Variants in SEPTIN11 observed in about 807,000 individuals in gnomAD.
The protein encoded by SEPTIN11 is septin-11.
In SEPTIN11, 25 loss-of-function variants were observed where a neutral mutation model predicts 51.4. That is an observed-to-expected ratio of 0.49 (90% CI 0.35 to 0.68). The LOEUF (loss-of-function observed/expected upper bound fraction) is 0.68, where lower values mean the gene tolerates loss of function less well. SEPTIN11 is among the 30% of genes least tolerant of loss of function. The probability of loss-of-function intolerance (pLI) is 0.00; values close to 1 mark genes in which losing one functional copy is unlikely to be tolerated. For missense variants in SEPTIN11, 381 were observed against 520.8 expected (o/e 0.73, Z 2.61); for synonymous variants, 174 against 184.1 (o/e 0.95, Z 0.44).
At chr4:76,993,258 T>C (rs1723481943) in intron 1 of SEPTIN11, among the ~76,000 whole-genome samples, 1 of 152,066 alleles carries the variant, frequency 6.6e-6, no homozygotes, top group Admixed American at 6.6e-5. Context: ...AGGAATATGA[T>C]TTCAGTTTCA....
intron 1 of SEPTIN11, among the ~76,000 whole-genome samples, chr4:76,996,204 C>T (rs1723705433): frequency 6.6e-6 from 1 of 152,108 alleles, no homozygotes; most frequent in Admixed American, 6.5e-5. Flanking sequence ...ATGAGATGCT[C>T]AGGGAGATGG....
chr4:77,001,733 G>C (rs1277855292), intron 2 of SEPTIN11, among the ~76,000 whole-genome samples: 7 of 152,190 alleles, frequency 4.6e-5, no homozygotes, highest in Non-Finnish European at 1.0e-4. Context: ...TGACTTTTCT[G>C]AAAATATTGT....
chr4:77,029,281 G>A (rs1407396652), intron 8 of SEPTIN11, among the ~76,000 whole-genome samples: 1 of 152,048 alleles, frequency 6.6e-6, no homozygotes, highest in Non-Finnish European at 1.5e-5. Context: ...CAGATTAACT[G>A]CTTCCTAGAA....
chr4:76,973,538 T>C (rs1722344002), intron 1 of SEPTIN11, among the ~76,000 whole-genome samples: 1 of 152,258 alleles, frequency 6.6e-6, no homozygotes, highest in South Asian at 2.1e-4. Context: ...CAGCTCAGCA[T>C]GGATTTCCTC....
rs1726902420 is a variant in SEPTIN11, at chr4:77,034,605, A to G, written c.*93A>G. ...GTGTTCTTTAGTTTTATTTTATTTT[A>G]TTTTATTTTTTTACCCTTCCTCAAA... On this transcript the variant is annotated 3_prime_UTR_variant, in exon 10 of 10. Transcript: ENST00000264893. 2.8e-6 allele frequency: 4 copies of G among 1,403,944 alleles called. No homozygotes were observed. Among genetic ancestry groups the G allele is most frequent in the East Asian group, 2.9e-5 (1 of 34,612 alleles). The allele number at this position is 1,403,944 out of a possible 1,614,324, so 87.0% of individuals were successfully genotyped here.
At chr4:76,957,005 A>T (rs547893330) in intron 1 of SEPTIN11, among the ~76,000 whole-genome samples, 73,423 of 130,274 alleles carry the variant, frequency 0.56, 19,312 homozygotes, top group Middle Eastern at 0.62. Flanking sequence ...AGAGAGAGAG[A>T]GACAGAGACA....
intron 2 of SEPTIN11, among the ~76,000 whole-genome samples, chr4:77,000,560 A>G (rs1377565748): frequency 6.6e-6 from 1 of 152,220 alleles, no homozygotes; most frequent in Non-Finnish European, 1.5e-5. Flanking sequence ...ATTAGCAGAT[A>G]TTTAGTGAGC....
chr4:77,005,874 A>G, intron 3 of SEPTIN11, 78 bp downstream of exon 3: 1 of 1,353,638 alleles, frequency 7.4e-7, no homozygotes, highest in Non-Finnish European at 1.0e-6. Context: ...TAAAGGCCAA[A>G]TGTTTTGGGG....
intron 1 of SEPTIN11, 34 bp downstream of exon 1, chr4:76,949,964 G>A: frequency 6.9e-7 from 1 of 1,439,562 alleles, no homozygotes; most frequent in Non-Finnish European, 9.1e-7. Flanking sequence ...TGCTCCTCGG[G>A]CGCCGGGTGG....
chr4:76,987,209 C>G (rs140862869), intron 1 of SEPTIN11, among the ~76,000 whole-genome samples: 5 of 152,168 alleles, frequency 3.3e-5, no homozygotes, highest in Non-Finnish European at 7.3e-5. Context: ...CCAGCTGGGC[C>G]GCACTGAGAA....
chr4:76,996,089 A>G (rs1723696601), intron 1 of SEPTIN11, among the ~76,000 whole-genome samples: 1 of 152,252 alleles, frequency 6.6e-6, no homozygotes, highest in South Asian at 2.1e-4. Context: ...GAAAGTGATC[A>G]AAATGACTGG....
At chr4:76,958,159 G>C (rs12186337) in intron 1 of SEPTIN11, among the ~76,000 whole-genome samples, 80,314 of 152,100 alleles carry the variant, frequency 0.53, 21,827 homozygotes, top group Middle Eastern at 0.6. Flanking sequence ...CTACCTGGCT[G>C]TTGCTGTGTC....
In SEPTIN11 at chr4:76,976,167, T is replaced by G. The variant is rs139665785; in HGVS notation, c.28-20258T>G. Among the ~76,000 whole-genome samples, 641 of 152,296 alleles carry G rather than the reference T, an allele frequency of 4.2e-3. 6 individuals carry two copies. The highest frequency in any genetic ancestry group is 0.015 in the African/African-American group (626 of 41,542). ...CTTATATACTTAAAGAAACCTCTGG[T>G]TTTTAGTACTTGAGGAAACAGTAAA... On this transcript the variant is annotated intron_variant, in intron 1 of 9. Coordinates refer to ENST00000264893, the MANE Select transcript of SEPTIN11 (RefSeq NM_018243.4).
Position 77,037,963 on chromosome 4 carries a change from T to G in SEPTIN11, c.*3451T>G, listed in dbSNP as rs1026220415. On this transcript the variant is annotated 3_prime_UTR_variant, in exon 10 of 10. Transcript: ENST00000264893. ...ATGAACAGACTTGGTTTCCTTGCTT[T>G]CTTGACATTTCCATGACTGTTTCAC... 3.6e-5 allele frequency: 35 copies of G among 985,812 alleles called. No individual in the cohort carries two copies. Among genetic ancestry groups the G allele is most frequent in the Non-Finnish European group, 4.2e-5 (35 of 829,972 alleles). The allele number at this position is 985,812 out of a possible 1,614,324, so 61.1% of individuals were successfully genotyped here.
chr4:76,999,370 C>T (rs1030078356), intron 2 of SEPTIN11, among the ~76,000 whole-genome samples: 1 of 152,304 alleles, frequency 6.6e-6, no homozygotes, highest in Non-Finnish European at 1.5e-5. Flanking sequence ...AATATTTGGA[C>T]GGCCTCGTAG....
chr4:77,000,125 G>C (rs1011484519), intron 2 of SEPTIN11, among the ~76,000 whole-genome samples: 2 of 152,210 alleles, frequency 1.3e-5, no homozygotes, highest in African/African-American at 4.8e-5. Flanking sequence ...TAACATCTCT[G>C]CTTTTGAAGA....
chr4:76,998,032 G>A (rs6532760), intron 2 of SEPTIN11, among the ~76,000 whole-genome samples: 3 of 151,562 alleles, frequency 2.0e-5, no homozygotes, highest in African/African-American at 7.3e-5. Flanking sequence ...TGTGCTGGCT[G>A]AGGGGCTGAC....
chr4:77,016,615 C>CACACATATATATATAT (rs1553975015), intron 5 of SEPTIN11, among the ~76,000 whole-genome samples: 1 of 79,192 alleles, frequency 1.3e-5, no homozygotes, highest in African/African-American at 4.7e-5. Flanking sequence ...TATATATACA[C>CACACATATATATATAT]ATATATATAT....
intron 2 of SEPTIN11, among the ~76,000 whole-genome samples, chr4:76,999,032 C>G (rs1723931140): frequency 1.3e-5 from 2 of 152,228 alleles, no homozygotes; most frequent in African/African-American, 2.4e-5. Flanking sequence ...TAGGTGCTTT[C>G]TTGTTTTGCT....
Sources: allele counts gnomAD v4.1 joint callset (sites outside exome capture counted in the v4.1 genomes callset), GRCh38; gene constraint gnomAD v4.1.1; transcripts MANE v1.5; gene names NCBI Gene and HGNC (gene_info 2026-07-23, HGNC 2026-07-21).